Variants in RYK observed in about 807,000 individuals in gnomAD.
RYK encodes the protein inactive tyrosine-protein kinase RYK.
Under a neutral mutation model 70.2 loss-of-function variants are expected in RYK, and 21 were observed. That is an observed-to-expected ratio of 0.30 (90% CI 0.21 to 0.43). The LOEUF (loss-of-function observed/expected upper bound fraction) is 0.43. Among genes scored for constraint, RYK ranks in the 20% least tolerant of loss-of-function variants. The pLI is 1.00. For missense variants in RYK, 604 were observed against 753.3 expected (o/e 0.80, Z 2.32); for synonymous variants, 267 against 278.0 (o/e 0.96, Z 0.39).
At chr3:134,179,109 G>A (rs1435123775) in intron 10 of RYK, 1 of 151,972 alleles carries the variant, frequency 6.6e-6, no homozygotes, top group Non-Finnish European at 1.5e-5. Flanking sequence ...ATAAGTAAAA[G>A]CTTATCTTAC....
intron 1 of RYK, among the ~76,000 whole-genome samples, chr3:134,236,990 T>C (rs2015213525): frequency 6.6e-6 from 1 of 152,160 alleles, no homozygotes; most frequent in Non-Finnish European, 1.5e-5. Flanking sequence ...AAAGGAAAAA[T>C]GTTGCTCTCT....
chr3:134,241,324 TGA>T (rs921762499), intron 1 of RYK, among the ~76,000 whole-genome samples: 1 of 150,646 alleles, frequency 6.6e-6, no homozygotes, highest in African/African-American at 2.5e-5. Flanking sequence ...TACTCCAGCC[TGA>T]GAGAAAGAGC....
intron 6 of RYK, among the ~76,000 whole-genome samples, chr3:134,200,215 CTT>C (rs2013959267): frequency 6.6e-6 from 1 of 152,144 alleles, no homozygotes; most frequent in Non-Finnish European, 1.5e-5. Context: ...GCTGCTCACT[CTT>C]TGGGTCCGCA....
At chr3:134,176,215 T>C (rs1281932577) in intron 11 of RYK, among the ~76,000 whole-genome samples, 176 bp from the exon 12 acceptor site, 3 of 152,238 alleles carry the variant, frequency 2.0e-5, no homozygotes, top group Admixed American at 6.5e-5. Flanking sequence ...CCTATACTTA[T>C]ATCAACTGTA....
At chr3:134,246,635 G>GA (rs996408227) in intron 1 of RYK, among the ~76,000 whole-genome samples, 4 of 151,998 alleles carry the variant, frequency 2.6e-5, no homozygotes, top group Admixed American at 2.6e-4. Flanking sequence ...TCAAAATTAT[G>GA]AAAAAATGTA....
At chr3:134,182,557 T>C (rs1398343395) in intron 10 of RYK, among the ~76,000 whole-genome samples, 1 of 152,188 alleles carries the variant, frequency 6.6e-6, no homozygotes, top group East Asian at 1.9e-4. Context: ...TACACAAACA[T>C]ACACAACACA....
intron 13 of RYK, 142 bp from the exon 14 acceptor site, chr3:134,159,515 A>G: frequency 1.4e-6 from 1 of 706,906 alleles, no homozygotes; most frequent in East Asian, 2.8e-5. Context: ...AAAAATGTCT[A>G]TCATACACAG....
intron 3 of RYK, among the ~76,000 whole-genome samples, chr3:134,210,828 A>C (rs2014369420): frequency 6.6e-6 from 1 of 152,206 alleles, no homozygotes; most frequent in South Asian, 2.1e-4. Context: ...ATAAGGTTCT[A>C]AGGGGTAGGA....
At chr3:134,229,955 C>T (rs1157003248) in intron 1 of RYK, among the ~76,000 whole-genome samples, 1 of 152,124 alleles carries the variant, frequency 6.6e-6, no homozygotes, top group African/African-American at 2.4e-5. Flanking sequence ...AAAAAATGTT[C>T]AACTACTTTG....
intron 2 of RYK, among the ~76,000 whole-genome samples, chr3:134,211,836 C>G (rs1165376653): frequency 6.6e-6 from 1 of 152,352 alleles, no homozygotes; most frequent in Middle Eastern, 3.4e-3. Flanking sequence ...AGGACCACCA[C>G]TCTTCCATAA....
At chr3:134,190,643 C>T (rs926550390) in intron 8 of RYK, among the ~76,000 whole-genome samples, 1 of 151,850 alleles carries the variant, frequency 6.6e-6, no homozygotes, top group African/African-American at 2.4e-5. Flanking sequence ...TGTTAATCAG[C>T]CACCATATTT....
At chr3:134,239,134 T>C (rs1576537327) in intron 1 of RYK, among the ~76,000 whole-genome samples, 1 of 152,002 alleles carries the variant, frequency 6.6e-6, no homozygotes, top group East Asian at 1.9e-4. Context: ...AGCAAGGGAA[T>C]GGGAGAGGCA....
At chr3:134,237,290 C>A (rs2015220160) in intron 1 of RYK, among the ~76,000 whole-genome samples, 1 of 152,030 alleles carries the variant, frequency 6.6e-6, no homozygotes, top group Non-Finnish European at 1.5e-5. Flanking sequence ...ATCAGCAAAC[C>A]ATCTCTCTTT....
chr3:134,162,894 C>T (rs2012526334), intron 13 of RYK, among the ~76,000 whole-genome samples: 1 of 152,114 alleles, frequency 6.6e-6, no homozygotes, highest in Non-Finnish European at 1.5e-5. Flanking sequence ...GAAGAAGAAA[C>T]CATGGGAATT....
In RYK at chr3:134,222,484, T is replaced by C; in HGVS notation, c.288A>G (p.Leu96=). The change falls in exon 2 of 15, where the codon CTA becomes CTG. Residue 96 remains leucine (L), a synonymous_variant. Coordinates refer to ENST00000623711, the MANE Select transcript of RYK (RefSeq NM_002958.4). Reference sequence around the variant, plus strand: ...CACTGGGTACTAACAGACTAAAGGATAGAGCGTAGTGACTAATAAGGTCAT... The same window carrying C: ...CACTGGGTACTAACAGACTAAAGGACAGAGCGTAGTGACTAATAAGGTCAT... ...VRNDLISHYA[L]SFSLLVPSET... is the part of the protein sequence containing the mutation. 6.2e-7 allele frequency: 1 copy of C among 1,613,382 alleles called. No homozygotes were observed. The highest frequency in any genetic ancestry group is 8.5e-7 in the Non-Finnish European group (1 of 1,179,466).
chr3:134,163,387 G>T (rs963883757), intron 13 of RYK, among the ~76,000 whole-genome samples: 5 of 152,122 alleles, frequency 3.3e-5, no homozygotes, highest in African/African-American at 1.2e-4. Flanking sequence ...GTGGAAAGGG[G>T]GCAATAAGAA....
intron 13 of RYK, among the ~76,000 whole-genome samples, chr3:134,166,946 A>G (rs535265628): frequency 6.6e-6 from 1 of 152,198 alleles, no homozygotes; most frequent in Non-Finnish European, 1.5e-5. Context: ...TTAAATTTTA[A>G]ATTTTTATTT....
intron 6 of RYK, among the ~76,000 whole-genome samples, chr3:134,199,972 C>CACCAATCAGCACTCTGTAAAAACAG (rs1560013435): frequency 1.4e-3 from 209 of 151,106 alleles, no homozygotes; most frequent in African/African-American, 4.8e-3. Flanking sequence ...TTTGTAAACG[C>CACCAATCAGCACTCTGTAAAAACAG]ACCAATCAGC....
Position 134,250,500 on chromosome 3 carries a change from G to T in RYK, c.155C>A (p.Pro52His), listed in dbSNP as rs2015586190. Residue 52 changes from proline to histidine, a missense_variant, in exon 1 of 15, where the codon CCC becomes CAC. Coordinates refer to ENST00000623711, the MANE Select transcript of RYK (RefSeq NM_002958.4). ...PGAAAAPAPR[P>H]PELQSASAGP... The stretch of plus-strand genomic sequence containing the variant: ...CGCGGAAGCCGACTGCAGCTCCGGG[G>T]GCCGCGGGGCGGGGGCGGCGGCAGC... The T allele has an allele frequency of 3.9e-6, 5 of 1,279,920 alleles. No individual in the cohort carries two copies. Among genetic ancestry groups the T allele is most frequent in the Non-Finnish European group, 3.9e-6 (4 of 1,012,920 alleles). 79.3% of individuals were successfully genotyped at this position (1,279,920 alleles called of 1,614,324 possible).
Sources: gnomAD v4.1 joint callset for allele counts (sites outside exome capture counted in the v4.1 genomes callset) on GRCh38, gnomAD v4.1.1 for gene constraint, MANE v1.5 for transcripts, NCBI Gene and HGNC (gene_info 2026-07-23, HGNC 2026-07-21) for gene names.